The following CFAP58 variants were observed in gnomAD, a reference collection of about 807,000 sequenced individuals.
CFAP58 encodes the protein cilia- and flagella-associated protein 58.
Under a neutral mutation model 119.5 loss-of-function variants are expected in CFAP58, and 88 were observed. That is an observed-to-expected ratio of 0.74 (90% confidence interval 0.62 to 0.88). CFAP58 has a LOEUF of 0.88. Among genes scored for constraint, CFAP58 ranks in the 40% least tolerant of loss-of-function variants. The pLI, the probability that CFAP58 is intolerant of heterozygous loss-of-function variation, is 0.00. For missense variants in CFAP58, 990 were observed against 1,021.2 expected, an observed-to-expected ratio of 0.97 and a Z score of 0.42; for synonymous variants, 365 against 366.3, an observed-to-expected ratio of 1.00 and a Z score of 0.04.
chr10:104,438,278 A>G (rs951909359), intron 15 of CFAP58, among the ~76,000 whole-genome samples: 2 of 151,824 alleles, frequency 1.3e-5, no homozygotes, highest in Non-Finnish European at 2.9e-5. Flanking sequence ...AGGAATGCCT[A>G]ACAACACTCA....
In CFAP58 at chr10:104,406,773, G is replaced by A. The variant is rs369306813; in HGVS notation, c.2236G>A (p.Glu746Lys). Residue 746 changes from glutamate to lysine, a missense_variant, in exon 15 of 18, where the codon GAA (glutamate) becomes AAA (lysine). Physicochemically the swap from Glu to Lys is moderately conservative, Grantham distance 56 (BLOSUM62 1). Transcript: ENST00000369704. ...RLISKTEEVV[E>K]KELLLQEKEK... Reference sequence around the variant, plus strand: ...CATCAGCAAGACTGAAGAGGTGGTTGAAAAAGAGCTGCTCCTCCAGGTAGC... The same window carrying A: ...CATCAGCAAGACTGAAGAGGTGGTTAAAAAAGAGCTGCTCCTCCAGGTAGC... The A allele has an allele frequency of 6.2e-7, 1 of 1,614,034 alleles. No homozygotes were observed. Among genetic ancestry groups the A allele is most frequent in the African/African-American group, 1.3e-5 (1 of 74,922 alleles).
intron 15 of CFAP58, among the ~76,000 whole-genome samples, chr10:104,441,684 A>G (rs111883400): frequency 2.1e-3 from 314 of 152,318 alleles, no homozygotes; most frequent in African/African-American, 6.8e-3. Flanking sequence ...AGTGCATGCA[A>G]ATTTCTCATA....
At chr10:104,375,276 G>GTATTTATAAATATATTTATATACACA (rs1564883735) in intron 7 of CFAP58, among the ~76,000 whole-genome samples, 2 of 150,806 alleles carry the variant, frequency 1.3e-5, no homozygotes, top group African/African-American at 4.9e-5. Flanking sequence ...TTATATACAC[G>GTATTTATAAATATATTTATATACACA]TATATTTACA....
chr10:104,392,436 AC>A (rs749966841), intron 10 of CFAP58, 42 bp downstream of exon 10: 8 of 1,382,224 alleles, frequency 5.8e-6, no homozygotes, highest in Non-Finnish European at 7.8e-6. Context: ...ATTTATTTTT[AC>A]CCTGCATTTA....
intron 15 of CFAP58, among the ~76,000 whole-genome samples, chr10:104,423,515 CT>C (rs2012693679): frequency 6.7e-6 from 1 of 149,038 alleles, no homozygotes; most frequent in Non-Finnish European, 1.5e-5. Flanking sequence ...ACAATTCAAG[CT>C]TTTTATGAGA....
At chr10:104,399,547 G>A (rs10509772) in intron 12 of CFAP58, 47 bp downstream of exon 12, 769,376 of 1,588,678 alleles carry the variant, frequency 0.48, 189,818 homozygotes, top group African/African-American at 0.74. Context: ...AACAGACACG[G>A]GTATTTAATT....
At chr10:104,344,124 A>G in the CFAP58 span, among the ~76,000 whole-genome samples, 1 of 152,258 alleles carries the variant, frequency 6.6e-6, no homozygotes, top group African/African-American at 2.4e-5. Flanking sequence ...TTAATTTTCC[A>G]TCTACATATG....
At chr10:104,430,957 T>C (rs2012835798) in intron 15 of CFAP58, among the ~76,000 whole-genome samples, 1 of 152,244 alleles carries the variant, frequency 6.6e-6, no homozygotes, top group South Asian at 2.1e-4. Context: ...CAAATATCAA[T>C]TCAGACTACA....
intron 15 of CFAP58, among the ~76,000 whole-genome samples, chr10:104,442,251 G>T (rs189508099): frequency 1.7e-4 from 26 of 152,232 alleles, no homozygotes; most frequent in African/African-American, 9.6e-5. Flanking sequence ...TAAGGAGGCT[G>T]TTTAAAAAGT....
At chr10:104,353,421 A>T (rs111923370), upstream of CFAP58, 293 of 159,462 alleles carry the variant, frequency 1.8e-3, 2 homozygotes, top group Middle Eastern at 6.3e-3. Context: ...TGTAGCCGCC[A>T]GTCCTTCCCT....
intron 9 of CFAP58, among the ~76,000 whole-genome samples, chr10:104,382,605 T>C (rs984616454): frequency 2.0e-5 from 3 of 152,210 alleles, no homozygotes; most frequent in Admixed American, 6.5e-5. Flanking sequence ...TCATCTTGAA[T>C]TGTAATCCCC....
intron 15 of CFAP58, among the ~76,000 whole-genome samples, chr10:104,424,137 A>G (rs1316733368): frequency 6.6e-6 from 1 of 152,174 alleles, no homozygotes; most frequent in Non-Finnish European, 1.5e-5. Context: ...TTCATGCATT[A>G]AAAAATGTAT....
upstream of CFAP58, chr10:104,353,421 A>C: frequency 1.3e-5 from 2 of 159,462 alleles, no homozygotes; most frequent in South Asian, 1.8e-4. Flanking sequence ...TGTAGCCGCC[A>C]GTCCTTCCCT....
intron 11 of CFAP58, among the ~76,000 whole-genome samples, chr10:104,394,507 A>G (rs2012113549): frequency 6.6e-6 from 1 of 152,218 alleles, no homozygotes; most frequent in South Asian, 2.1e-4. Context: ...CTAAGATACC[A>G]TAGATTGAAA....
intron 9 of CFAP58, chr10:104,382,316 G>A (rs2011828158): frequency 3.3e-6 from 2 of 609,226 alleles, no homozygotes; most frequent in East Asian, 2.8e-5. Context: ...TTAGGGAGGG[G>A]CCCTGTAGGG....
intron 10 of CFAP58, among the ~76,000 whole-genome samples, chr10:104,392,703 G>A (rs904849154): frequency 6.8e-6 from 1 of 147,588 alleles, no homozygotes; most frequent in African/African-American, 2.5e-5. Flanking sequence ...GCAGTGACGC[G>A]ATCTCGGCTC....
chr10:104,359,005 A>G (rs1411012721), intron 2 of CFAP58, among the ~76,000 whole-genome samples: 2 of 152,202 alleles, frequency 1.3e-5, no homozygotes, highest in East Asian at 3.8e-4. Flanking sequence ...CTCCTGTTTT[A>G]GTAAAGATTG....
intron 2 of CFAP58, among the ~76,000 whole-genome samples, chr10:104,360,428 C>G (rs1251682978): frequency 6.6e-6 from 1 of 151,126 alleles, no homozygotes; most frequent in Non-Finnish European, 1.5e-5. Context: ...GGAGCAGACA[C>G]TTCACATGGG....
At chr10:104,378,395 A>G (rs1288378431) in intron 8 of CFAP58, among the ~76,000 whole-genome samples, 1 of 152,236 alleles carries the variant, frequency 6.6e-6, no homozygotes, top group Non-Finnish European at 1.5e-5. Flanking sequence ...ATTGTCACCC[A>G]ACCAACATTT....
Sources: allele counts gnomAD v4.1 joint callset (sites outside exome capture counted in the v4.1 genomes callset), GRCh38; gene constraint gnomAD v4.1.1; transcripts MANE v1.5; gene names NCBI Gene and HGNC (gene_info 2026-07-23, HGNC 2026-07-21).